KLHL18: variants seen among roughly 807,000 people sequenced by gnomAD.
KLHL18 encodes the protein kelch-like protein 18.
Under a neutral mutation model 58.5 loss-of-function variants are expected in KLHL18, and 38 were observed. The ratio of observed to expected loss-of-function variants is 0.65; its 90% CI spans 0.50 to 0.85. The LOEUF (loss-of-function observed/expected upper bound fraction) is 0.85, where lower values mean the gene tolerates loss of function less well. KLHL18 is among the 40% of genes least tolerant of loss of function. The probability of loss-of-function intolerance (pLI) is 0.00; values close to 1 mark genes in which losing one functional copy is unlikely to be tolerated. For missense variants in KLHL18, 624 were observed against 778.4 expected (o/e 0.80, Z 2.36); for synonymous variants, 303 against 301.9 (o/e 1.00, Z -0.04).
chr3:47,285,535 G>A (rs1301950350), intron 1 of KLHL18, among the ~76,000 whole-genome samples: 1 of 151,144 alleles, frequency 6.6e-6, no homozygotes, highest in Admixed American at 6.6e-5. Flanking sequence ...TGGGCAACAT[G>A]GCAAAACCCC....
chr3:47,332,088 G>A (rs549822440), intron 4 of KLHL18, among the ~76,000 whole-genome samples: 2 of 152,270 alleles, frequency 1.3e-5, no homozygotes, highest in South Asian at 2.1e-4. Flanking sequence ...AGTGGCTCAC[G>A]CCTGTAATCC....
Position 47,329,960 on chromosome 3 carries a change from A to G in KLHL18, c.411A>G (p.Pro137=). 6.2e-7 allele frequency: 1 copy of G among 1,613,968 alleles called. No homozygotes were observed. Among genetic ancestry groups the G allele is most frequent in the South Asian group, 1.1e-5 (1 of 91,062 alleles). The change falls in exon 4 of 10, where the codon CCA becomes CCG. Residue 137 remains proline (P), a synonymous_variant. Coordinates refer to ENST00000232766, the MANE Select transcript of KLHL18 (RefSeq NM_025010.5). ...CCTFLRERLH[P]KNCLGVRQFA... Reference sequence around the variant, plus strand: ...TTTCCTTATGCCAAAGGCTTCACCCAAAAAACTGCCTGGGTGTGCGCCAGT... The same window carrying G: ...TTTCCTTATGCCAAAGGCTTCACCCGAAAAACTGCCTGGGTGTGCGCCAGT...
chr3:47,308,443 T>C (rs1703200421), intron 1 of KLHL18, among the ~76,000 whole-genome samples: 1 of 152,092 alleles, frequency 6.6e-6, no homozygotes, highest in African/African-American at 2.4e-5. Context: ...CAGGCTGGAG[T>C]GCAATGGCAC....
chr3:47,337,077 T>G (rs1704004573), intron 7 of KLHL18: 2 of 279,274 alleles, frequency 7.2e-6, no homozygotes, highest in South Asian at 1.0e-4. Context: ...GACTGGAACT[T>G]CTGGAAGATT....
intron 1 of KLHL18, among the ~76,000 whole-genome samples, chr3:47,296,102 T>A (rs1702891317): frequency 6.6e-6 from 1 of 152,198 alleles, no homozygotes; most frequent in South Asian, 2.1e-4. Context: ...AGTGCAGAAT[T>A]TCAGGTCCCG....
chr3:47,324,539 A>T (rs1288409379), intron 3 of KLHL18, among the ~76,000 whole-genome samples: 1 of 151,758 alleles, frequency 6.6e-6, no homozygotes, highest in African/African-American at 2.4e-5. Context: ...GTTGCTTAGA[A>T]AAGTGATTTT....
intron 4 of KLHL18, 44 bp from the exon 5 acceptor site, chr3:47,333,113 C>G: frequency 1.3e-6 from 2 of 1,593,312 alleles, no homozygotes; most frequent in Non-Finnish European, 1.7e-6. Flanking sequence ...GGTGTGGCCT[C>G]TGGGTGGGAG....
intron 7 of KLHL18, chr3:47,337,976 A>G (rs930581292): frequency 6.6e-6 from 1 of 152,178 alleles, no homozygotes; most frequent in Non-Finnish European, 1.5e-5. Flanking sequence ...CTTGGAGGAA[A>G]GTTCTCTGGG....
At chr3:47,327,551 A>G (rs1429394482) in intron 3 of KLHL18, among the ~76,000 whole-genome samples, 1 of 152,254 alleles carries the variant, frequency 6.6e-6, no homozygotes, top group Non-Finnish European at 1.5e-5. Flanking sequence ...AACAAGTCTC[A>G]TTCAATCACT....
rs1491309425 is a variant in KLHL18, at chr3:47,334,787, TTA to T, written c.868_869del (p.Ile290LeufsTer11). The T allele has an allele frequency of 2.5e-6, 4 of 1,613,932 alleles. No individual in the cohort carries two copies. The highest frequency in any genetic ancestry group is 3.4e-6 in the Non-Finnish European group (4 of 1,179,972). The stretch of plus-strand genomic sequence containing the variant: ...CGCTGCTGCACATCCATCGCTGGAC[TTA>T]TCTACGCTGTAGGGGGCCTCAACTC... On this transcript the variant is annotated frameshift_variant, in exon 6 of 10. Transcript: ENST00000232766. LOFTEE classifies it high-confidence loss of function. This position sits in a 1 kb window ranked among gnomAD's most constrained non-coding sequence, Gnocchi z 4.7.
At chr3:47,303,452 A>T (rs1274316151) in intron 1 of KLHL18, among the ~76,000 whole-genome samples, 1 of 152,208 alleles carries the variant, frequency 6.6e-6, no homozygotes, top group Non-Finnish European at 1.5e-5. Context: ...TTAAAAGACC[A>T]TCCCTTACTG....
At position 47,332,155 on chromosome 3, in the gene KLHL18, G is replaced by C. The variant is rs547962196; in HGVS notation, c.601-1002G>C. ...TGTTGAGCTCAGGAGTTTGAGACCAGCCTGGGCAACATGGCAAAACCCCAT... is the reference window on the plus strand; with the variant it reads ...TGTTGAGCTCAGGAGTTTGAGACCACCCTGGGCAACATGGCAAAACCCCAT... On this transcript the variant is annotated intron_variant, in intron 4 of 9. Coordinates refer to ENST00000232766, the MANE Select transcript of KLHL18 (RefSeq NM_025010.5). 2.0e-5 allele frequency among the ~76,000 whole-genome samples: 3 copies of C among 152,256 alleles called. No individual in the cohort carries two copies. In the South Asian group the frequency reaches 6.2e-4, roughly 32 times the overall value.
Position 47,326,182 on chromosome 3 carries a change from A to G in KLHL18, c.401+3474A>G, listed in dbSNP as rs111921590. ...AGGCTGGTCTTGATCTCCTGACCTC[A>G]AGTGATCTGCCCACCTCGGCCTCCC... On this transcript the variant is annotated intron_variant, in intron 3 of 9. Coordinates refer to ENST00000232766, the MANE Select transcript of KLHL18 (RefSeq NM_025010.5). 1.5e-3 allele frequency among the ~76,000 whole-genome samples: 222 copies of G among 152,080 alleles called. 2 individuals are homozygous for G. Among genetic ancestry groups the G allele is most frequent in the African/African-American group, 5.1e-3 (212 of 41,492 alleles).
At chr3:47,335,026 G>C (rs1038783091) in intron 6 of KLHL18, among the ~76,000 whole-genome samples, 2 of 152,186 alleles carry the variant, frequency 1.3e-5, no homozygotes, top group Non-Finnish European at 2.9e-5. Context: ...AGACCTTCTA[G>C]AAATCTTTGA....
chr3:47,313,905 A>G (rs1703363899), intron 1 of KLHL18, among the ~76,000 whole-genome samples: 1 of 152,228 alleles, frequency 6.6e-6, no homozygotes, highest in Non-Finnish European at 1.5e-5. Flanking sequence ...CATGATTCAC[A>G]GTAGCTGCCT....
At chr3:47,295,547 G>A (rs1702877488) in intron 1 of KLHL18, among the ~76,000 whole-genome samples, 1 of 151,266 alleles carries the variant, frequency 6.6e-6, no homozygotes, top group Admixed American at 6.6e-5. Context: ...TTCTTCCCTT[G>A]CTTTCCCTTT....
intron 1 of KLHL18, among the ~76,000 whole-genome samples, chr3:47,317,039 A>G (rs987122489): frequency 6.6e-6 from 1 of 152,156 alleles, no homozygotes; most frequent in Non-Finnish European, 1.5e-5. Context: ...CTAAATTATT[A>G]TCTAAGCTTG....
intron 8 of KLHL18, among the ~76,000 whole-genome samples, chr3:47,340,911 G>T (rs920069785): frequency 1.3e-5 from 2 of 151,976 alleles, no homozygotes; most frequent in East Asian, 3.9e-4. Flanking sequence ...TTATTTAATG[G>T]TCTGTACCTC....
At chr3:47,283,396 CT>C (rs888423687) in intron 1 of KLHL18, 1 of 432,062 alleles carries the variant, frequency 2.3e-6, no homozygotes, top group African/African-American at 2.0e-5. Context: ...AGAAAATGGA[CT>C]TACCTTCTAT....
Sources: gnomAD v4.1 joint callset for allele counts (sites outside exome capture counted in the v4.1 genomes callset) on GRCh38, gnomAD v4.1.1 for gene constraint, Gnocchi (gnomAD v3.1) non-coding constraint, MANE v1.5 for transcripts, NCBI Gene and HGNC (gene_info 2026-07-23, HGNC 2026-07-21) for gene names.